Variants in AGAP1 observed in about 807,000 individuals in gnomAD.
The protein encoded by AGAP1 is arf-GAP with GTPase, ANK repeat and PH domain-containing protein 1.
A neutral mutation model predicts 105.3 loss-of-function variants in AGAP1; 29 were observed. That is an observed-to-expected ratio of 0.28 (90% CI 0.21 to 0.38). AGAP1 has a LOEUF of 0.38. Among genes scored for constraint, AGAP1 ranks in the 10% least tolerant of loss-of-function variants. The pLI is 1.00. For synonymous variants in AGAP1, 509 were observed against 485.9 expected (o/e 1.05, Z -0.63); for missense variants, 998 against 1,165.1 (o/e 0.86, Z 2.09).
In AGAP1 at chr2:235,519,333, G is replaced by A. The variant is rs138250200; in HGVS notation, c.163+24484G>A. On this transcript the variant is annotated intron_variant, in intron 1 of 17. Transcript: ENST00000304032. ...AGTGATCCTCCCACTATGGCCTCCCGAGTTGCTGGGGTTACAGTCATGAGC... is the reference window on the plus strand; with the variant it reads ...AGTGATCCTCCCACTATGGCCTCCCAAGTTGCTGGGGTTACAGTCATGAGC... Among the ~76,000 whole-genome samples the A allele has an allele frequency of 2.5e-3, 386 of 152,096 alleles. 2 individuals are homozygous for A. Among genetic ancestry groups the A allele is most frequent in the African/African-American group, 8.7e-3 (362 of 41,492 alleles).
rs1292072353 is a variant in AGAP1 at position 236,095,494 on chromosome 2, C to T, written c.2115-24698C>T. Among the ~76,000 whole-genome samples the T allele has an allele frequency of 1.1e-4, 16 of 151,662 alleles. No homozygotes were observed. Among genetic ancestry groups the T allele is most frequent in the Admixed American group, 1.1e-3 (16 of 15,226 alleles). On this transcript the variant is annotated intron_variant, in intron 16 of 17. Transcript: ENST00000304032. This position sits in a 1 kb window ranked among gnomAD's most constrained non-coding sequence, Gnocchi z 4.1. ...AGGAGTTTGAGACCAGCGTGGGCAACATAGTGAGATGCCATCTCTATAAAA... is the reference window on the plus strand; with the variant it reads ...AGGAGTTTGAGACCAGCGTGGGCAATATAGTGAGATGCCATCTCTATAAAA...
intron 16 of AGAP1, among the ~76,000 whole-genome samples, chr2:236,068,573 G>A (rs2058410212): frequency 6.6e-6 from 1 of 151,888 alleles, no homozygotes; most frequent in South Asian, 2.1e-4. Context: ...GGCCGAGGCG[G>A]GCGGATCACG....
At position 235,891,128 on chromosome 2, in the gene AGAP1, AT is replaced by A. The variant is rs2050521125; in HGVS notation, c.1155+7680del. Among the ~76,000 whole-genome samples the A allele has an allele frequency of 6.6e-6, 1 of 152,152 alleles. No homozygotes were observed. Among genetic ancestry groups the A allele is most frequent in the African/African-American group, 2.4e-5 (1 of 41,446 alleles). ...GGGGTTCCCAGGGTGCAGGACTTTC[AT>A]AGCTAACATCAGGGAAGTCCCAGGC... On this transcript the variant is annotated intron_variant, in intron 10 of 17. Coordinates refer to ENST00000304032, the MANE Select transcript of AGAP1 (RefSeq NM_001037131.3). This position sits in a 1 kb window ranked among gnomAD's most constrained non-coding sequence, Gnocchi z 4.2.
intron 1 of AGAP1, chr2:235,507,453 A>G (rs867844162): frequency 2.6e-5 from 4 of 152,308 alleles, no homozygotes; most frequent in Admixed American, 6.5e-5. Flanking sequence ...CGTTGCCTGC[A>G]GGCATCTCTG....
At chr2:235,924,077 C>T (rs1473746893) in intron 11 of AGAP1, among the ~76,000 whole-genome samples, 2 of 152,182 alleles carry the variant, frequency 1.3e-5, no homozygotes, top group East Asian at 1.9e-4. Flanking sequence ...AACAGATGTG[C>T]CCCCCTCGCT....
intron 9 of AGAP1, among the ~76,000 whole-genome samples, chr2:235,833,761 T>TA (rs1959749648): frequency 6.6e-6 from 1 of 152,038 alleles, no homozygotes; most frequent in African/African-American, 2.4e-5. Context: ...ATCACACACT[T>TA]ACATGTGTGC....
At chr2:235,684,500 T>C (rs908489099) in intron 1 of AGAP1, among the ~76,000 whole-genome samples, 3 of 152,224 alleles carry the variant, frequency 2.0e-5, no homozygotes, top group African/African-American at 7.2e-5. Context: ...CGCTGGGTGC[T>C]CAGAGGCTTC....
Position 235,888,029 on chromosome 2 carries a change from C to T in AGAP1, c.1155+4580C>T, listed in dbSNP as rs573350733. Among the ~76,000 whole-genome samples the T allele has an allele frequency of 6.6e-6, 1 of 152,316 alleles. No homozygotes were observed. The highest frequency in any genetic ancestry group is 2.4e-5 in the African/African-American group (1 of 41,578). On this transcript the variant is annotated intron_variant, in intron 10 of 17. Transcript: ENST00000304032. The surrounding 1 kb of genome is among the most constrained non-coding windows in gnomAD (Gnocchi z 4.8). ...TTATCTTCTGTCCACGTGTGTGCCG[C>T]TCACAGTCCACGTAAGGCTGCGCCC...
chr2:235,568,409 C>T (rs1297676201), intron 1 of AGAP1, among the ~76,000 whole-genome samples: 4 of 152,138 alleles, frequency 2.6e-5, no homozygotes, highest in East Asian at 1.9e-4. Flanking sequence ...AGTTTTTCTC[C>T]GTTTTATGGA....
In AGAP1 at chr2:236,009,530, G is replaced by A. The variant is rs956119688; in HGVS notation, c.1646-27031G>A. On this transcript the variant is annotated intron_variant, in intron 13 of 17. Coordinates refer to ENST00000304032, the MANE Select transcript of AGAP1 (RefSeq NM_001037131.3). This position sits in a 1 kb window ranked among gnomAD's most constrained non-coding sequence, Gnocchi z 4.2. Reference sequence around the variant, plus strand: ...AATTAATACATGTCTGATGTGGACAGAGTAGTGCTGTCTGACAAGGTGATC... The same window carrying A: ...AATTAATACATGTCTGATGTGGACAAAGTAGTGCTGTCTGACAAGGTGATC... Among the ~76,000 whole-genome samples, 4 of 152,232 alleles carry A rather than the reference G, an allele frequency of 2.6e-5. No individual in the cohort carries two copies. Among genetic ancestry groups the A allele is most frequent in the Non-Finnish European group, 5.9e-5 (4 of 68,044 alleles).
intron 9 of AGAP1, among the ~76,000 whole-genome samples, chr2:235,863,744 C>T (rs1575642164): frequency 6.6e-6 from 1 of 152,178 alleles, no homozygotes; most frequent in Non-Finnish European, 1.5e-5. Flanking sequence ...AGGCGGGACA[C>T]CTGGTTTGCA....
intron 13 of AGAP1, among the ~76,000 whole-genome samples, chr2:235,996,571 A>G (rs904076239): frequency 6.6e-6 from 1 of 152,206 alleles, no homozygotes; most frequent in Non-Finnish European, 1.5e-5. Flanking sequence ...CGTCAGCATG[A>G]CCTGGCGGTA....
In AGAP1 at chr2:235,753,758, A is replaced by T. The variant is rs10190791; in HGVS notation, c.673+3270A>T. Among the ~76,000 whole-genome samples the T allele has an allele frequency of 0.021, 3,186 of 152,244 alleles. 97 individuals carry two copies. Among genetic ancestry groups the T allele is most frequent in the African/African-American group, 0.066 (2,736 of 41,522 alleles). ...GAATTTGAAAAGCAAATACCTGTGA[A>T]GCTACAACTTCCGTGACTATTGCGA... On this transcript the variant is annotated intron_variant, in intron 6 of 17. Transcript: ENST00000304032. This position sits in a 1 kb window ranked among gnomAD's most constrained non-coding sequence, Gnocchi z 4.5.
chr2:235,523,445 A>G (rs1204184265), intron 1 of AGAP1, among the ~76,000 whole-genome samples: 1 of 152,066 alleles, frequency 6.6e-6, no homozygotes, highest in African/African-American at 2.4e-5. Context: ...TTTGAAAGGG[A>G]CTGCTTCCCA....
chr2:235,530,211 G>C (rs1574777088), intron 1 of AGAP1, among the ~76,000 whole-genome samples: 2 of 152,174 alleles, frequency 1.3e-5, no homozygotes, highest in South Asian at 4.1e-4. Flanking sequence ...TGCTGCAGAG[G>C]CTGAGCTCAT....
Position 235,792,940 on chromosome 2 carries a change from A to G in AGAP1, c.674-4819A>G, listed in dbSNP as rs765763947. Among the ~76,000 whole-genome samples, 30 of 152,132 alleles carry G rather than the reference A, an allele frequency of 2.0e-4. No individual in the cohort carries two copies. Among genetic ancestry groups the G allele is most frequent in the African/African-American group, 3.6e-4 (15 of 41,442 alleles). On this transcript the variant is annotated intron_variant, in intron 6 of 17. Transcript: ENST00000304032. This position sits in a 1 kb window ranked among gnomAD's most constrained non-coding sequence, Gnocchi z 5.3. ...CGAGGAGGTTGCCCAGGCAGAGGGCATGGGAAAAAGGACACCAGGAGGATG... is the reference window on the plus strand; with the variant it reads ...CGAGGAGGTTGCCCAGGCAGAGGGCGTGGGAAAAAGGACACCAGGAGGATG...
At chr2:235,495,206 G>T (rs1941263323) in intron 1 of AGAP1, among the ~76,000 whole-genome samples, 1 of 152,096 alleles carries the variant, frequency 6.6e-6, no homozygotes, top group African/African-American at 2.4e-5. Flanking sequence ...CCCCTGACAG[G>T]TTACCAGGCC....
At chr2:235,643,677 G>T (rs1947278900) in intron 1 of AGAP1, among the ~76,000 whole-genome samples, 2 of 151,184 alleles carry the variant, frequency 1.3e-5, no homozygotes, top group South Asian at 2.1e-4. Context: ...ATCTCCATCT[G>T]CAGGGGCCAA....
At chr2:235,671,553 T>TCA (rs1948430734) in intron 1 of AGAP1, among the ~76,000 whole-genome samples, 1 of 152,214 alleles carries the variant, frequency 6.6e-6, no homozygotes, top group Non-Finnish European at 1.5e-5. Flanking sequence ...TGATGTGGAC[T>TCA]CAGCTGACTC....
Sources: gnomAD v4.1 joint callset for allele counts (sites outside exome capture counted in the v4.1 genomes callset) on GRCh38, gnomAD v4.1.1 for gene constraint, Gnocchi (gnomAD v3.1) non-coding constraint, MANE v1.5 for transcripts, NCBI Gene and HGNC (gene_info 2026-07-23, HGNC 2026-07-21) for gene names.